The following RASSF3 variants were observed in gnomAD, a reference collection of about 807,000 sequenced individuals.
RASSF3 encodes Ras association domain family member 3.
RASSF3 carries 19 observed loss-of-function variants against 19.9 expected under a neutral mutation model. The observed-to-expected ratio is 0.96, with a 90% CI of 0.67 to 1.40. The LOEUF is 1.40. RASSF3 is among the 40% of genes most tolerant of loss of function. The probability of loss-of-function intolerance (pLI) is 0.00; values close to 1 mark genes in which losing one functional copy is unlikely to be tolerated. For synonymous variants in RASSF3, 110 were observed against 104.2 expected (o/e 1.06, Z -0.34); for missense variants, 306 against 289.8 (o/e 1.06, Z -0.41).
At chr12:64,564,498 T>C (rs1869396693) in intron 2 of RASSF3, among the ~76,000 whole-genome samples, 1 of 152,126 alleles carries the variant, frequency 6.6e-6, no homozygotes, top group Non-Finnish European at 1.5e-5. Flanking sequence ...TTCTCCTGCC[T>C]CAGCCTTCCA....
upstream of RASSF3, among the ~76,000 whole-genome samples, chr12:64,609,053 G>A (rs1285770843): frequency 6.6e-6 from 1 of 152,170 alleles, no homozygotes; most frequent in Non-Finnish European, 1.5e-5. Context: ...GTGTAAGCCC[G>A]AAGGTGGAGC....
chr12:64,548,324 C>G (rs1040128731), intron 2 of RASSF3, among the ~76,000 whole-genome samples: 2 of 151,352 alleles, frequency 1.3e-5, no homozygotes, highest in African/African-American at 4.8e-5. Context: ...GGGCAGGCAC[C>G]ATCATGCCCA....
chr12:64,590,083 T>C (rs1266376111), intron 2 of RASSF3, among the ~76,000 whole-genome samples: 3 of 114,380 alleles, frequency 2.6e-5, no homozygotes, highest in Non-Finnish European at 5.6e-5. Context: ...AAAAAAAAAA[T>C]TAAATTAGCC....
intron 1 of RASSF3, among the ~76,000 whole-genome samples, chr12:64,621,397 T>C (rs1233188838): frequency 2.0e-5 from 3 of 152,230 alleles, no homozygotes; most frequent in Non-Finnish European, 4.4e-5. Flanking sequence ...GCTTGGTAGA[T>C]GGTTCTGCTT....
chr12:64,679,676 G>A (rs570329463), intron 1 of RASSF3, among the ~76,000 whole-genome samples: 11 of 152,286 alleles, frequency 7.2e-5, no homozygotes, highest in African/African-American at 2.6e-4. Context: ...AGGAACTGAA[G>A]TGAGCCTGAG....
Position 64,696,118 on chromosome 12 carries a change from C to CCTCCCTCCCTCCCTCCCTAA in RASSF3, c.*1210_*1211insCTCCCTCCCTCCCTAACTCC. On this transcript the variant is annotated 3_prime_UTR_variant, in exon 5 of 5. Transcript: ENST00000542104. ...CCCTCCCTCCCTCCCTCCCTCCCTC[C>CCTCCCTCCCTCCCTCCCTAA]CTCCTTCCCTCCCTCTCTCTCCCTC... The CCTCCCTCCCTCCCTCCCTAA allele has an allele frequency of 1.1e-5, 1 of 89,756 alleles. No homozygotes were observed. The highest frequency in any genetic ancestry group is 2.2e-5 in the Non-Finnish European group (1 of 45,828). 5.6% of individuals were successfully genotyped at this position (89,756 alleles called of 1,614,324 possible).
At chr12:64,552,335 T>C (rs1339430149) in intron 2 of RASSF3, among the ~76,000 whole-genome samples, 1 of 152,014 alleles carries the variant, frequency 6.6e-6, no homozygotes, top group Non-Finnish European at 1.5e-5. Flanking sequence ...CTGGGGTACA[T>C]GTGCAGGATG....
At chr12:64,654,511 C>G (rs1312820930) in intron 1 of RASSF3, among the ~76,000 whole-genome samples, 1 of 151,866 alleles carries the variant, frequency 6.6e-6, no homozygotes, top group Non-Finnish European at 1.5e-5. Context: ...CCACTTAGAA[C>G]TAATTCACCG....
intron 2 of RASSF3, among the ~76,000 whole-genome samples, chr12:64,686,335 G>A (rs557550082): frequency 6.6e-6 from 1 of 152,108 alleles, no homozygotes; most frequent in African/African-American, 2.4e-5. Context: ...GAAGTCAAGA[G>A]TTCGACGGTG....
At chr12:64,653,416 A>G (rs1397474550) in intron 1 of RASSF3, among the ~76,000 whole-genome samples, 1 of 152,086 alleles carries the variant, frequency 6.6e-6, no homozygotes, top group African/African-American at 2.4e-5. Flanking sequence ...CATCAGTTAT[A>G]TTGCATTAGG....
intron 1 of RASSF3, among the ~76,000 whole-genome samples, chr12:64,684,034 G>GTGTA (rs1873241065): frequency 7.0e-6 from 1 of 142,592 alleles, no homozygotes. Flanking sequence ...GTGTGTGTGT[G>GTGTA]TGTTTCAAGG....
At chr12:64,654,533 G>A (rs964696286) in intron 1 of RASSF3, among the ~76,000 whole-genome samples, 6 of 151,456 alleles carry the variant, frequency 4.0e-5, no homozygotes, top group African/African-American at 1.5e-4. Flanking sequence ...GGCTGGGCAC[G>A]GTGGCTTCTG....
At chr12:64,520,613 G>T (rs1202924224) in intron 1 of RASSF3, among the ~76,000 whole-genome samples, 1 of 133,728 alleles carries the variant, frequency 7.5e-6, no homozygotes, top group Non-Finnish European at 1.6e-5. Flanking sequence ...TATGTTGTAG[G>T]TTCCCAGACT....
chr12:64,568,891 T>C (rs112295091), intron 2 of RASSF3, among the ~76,000 whole-genome samples: 3,667 of 152,270 alleles, frequency 0.024, 69 homozygotes, highest in Non-Finnish European at 0.038. Flanking sequence ...TGTATTATTT[T>C]AGTAGAGACA....
chr12:64,612,783 T>A (rs1054707678), intron 1 of RASSF3, among the ~76,000 whole-genome samples: 1 of 152,178 alleles, frequency 6.6e-6, no homozygotes, highest in Non-Finnish European at 1.5e-5. Flanking sequence ...GCACATTTAT[T>A]GTTTCTATGT....
At chr12:64,592,625 T>C (rs1474605834) in intron 2 of RASSF3, among the ~76,000 whole-genome samples, 1 of 152,002 alleles carries the variant, frequency 6.6e-6, no homozygotes, top group Middle Eastern at 3.2e-3. Flanking sequence ...TTGTCTAACT[T>C]TTGTATTTTT....
At chr12:64,622,594 A>G in intron 1 of RASSF3, 1 of 467,452 alleles carries the variant, frequency 2.1e-6, no homozygotes, top group Non-Finnish European at 4.2e-6. Flanking sequence ...CTTTTGCACC[A>G]ACTTAATACT....
intron 1 of RASSF3, among the ~76,000 whole-genome samples, chr12:64,516,333 A>AT (rs1196500356): frequency 6.6e-6 from 1 of 152,242 alleles, no homozygotes; most frequent in Non-Finnish European, 1.5e-5. Context: ...AAAGGAAAAG[A>AT]TACCGGCCGG....
chr12:64,637,482 T>C (rs4495970), intron 1 of RASSF3, among the ~76,000 whole-genome samples: 17,859 of 148,318 alleles, frequency 0.12, 1,404 homozygotes, highest in South Asian at 0.26. Context: ...CAGGCTGGAG[T>C]GCAGTGGCGT....
Sources: gnomAD v4.1 joint callset for allele counts (sites outside exome capture counted in the v4.1 genomes callset) on GRCh38, gnomAD v4.1.1 for gene constraint, MANE v1.5 for transcripts, NCBI Gene and HGNC (gene_info 2026-07-23, HGNC 2026-07-21) for gene names.